Variants in ZNF280D observed in about 807,000 individuals in gnomAD.
ZNF280D encodes the protein suppressor of hairy wing homolog 4.
ZNF280D carries 39 observed loss-of-function variants against 94.7 expected under a neutral mutation model. The ratio of observed to expected loss-of-function variants is 0.41; its 90% CI spans 0.32 to 0.54. The LOEUF is 0.54. Among genes scored for constraint, ZNF280D ranks in the 20% least tolerant of loss-of-function variants. The pLI, the probability that ZNF280D is intolerant of heterozygous loss-of-function variation, is 0.22. For synonymous variants in ZNF280D, 398 were observed against 377.6 expected (o/e 1.05, Z -0.63); for missense variants, 1,090 against 1,149.3 (o/e 0.95, Z 0.75).
chr15:56,706,947 G>A, intron 3 of ZNF280D, 135 bp downstream of exon 3: 1 of 747,182 alleles, frequency 1.3e-6, no homozygotes, highest in East Asian at 2.7e-5. Context: ...TTGTTTTTAT[G>A]TGAACATTTG....
intron 6 of ZNF280D, chr15:56,700,560 A>C: frequency 9.2e-7 from 1 of 1,087,658 alleles, no homozygotes; most frequent in Non-Finnish European, 1.1e-6. Flanking sequence ...TTTTCAGAAT[A>C]AAAAGCTATG....
At chr15:56,685,528 T>C (rs1293763737) in intron 9 of ZNF280D, among the ~76,000 whole-genome samples, 1 of 152,088 alleles carries the variant, frequency 6.6e-6, no homozygotes, top group Non-Finnish European at 1.5e-5. Context: ...AATAAAGTAA[T>C]ATAGGTATAG....
chr15:56,707,162 T>C lies in ZNF280D; in HGVS notation c.-41-12A>G. ...TTGTCACCTAAGTACTGACACATGA[T>C]ATCAGTCAATTTAATGAGTCACTTT... On this transcript the variant is annotated splice_polypyrimidine_tract_variant and intron_variant, in intron 2 of 21. Coordinates refer to ENST00000267807, the MANE Select transcript of ZNF280D (RefSeq NM_017661.4). 1 of 1,613,206 alleles carries C rather than the reference T, an allele frequency of 6.2e-7. No homozygotes were observed. Among genetic ancestry groups the C allele is most frequent in the Non-Finnish European group, 8.5e-7 (1 of 1,179,600 alleles).
chr15:56,661,850 C>G (rs1036305434), intron 16 of ZNF280D, among the ~76,000 whole-genome samples: 1 of 152,128 alleles, frequency 6.6e-6, no homozygotes, highest in Non-Finnish European at 1.5e-5. Flanking sequence ...TTATTAAGCA[C>G]TTTAATACAG....
intron 6 of ZNF280D, among the ~76,000 whole-genome samples, chr15:56,696,816 C>T (rs1167169607): frequency 5.3e-5 from 8 of 152,284 alleles, no homozygotes; most frequent in African/African-American, 1.4e-4. Context: ...CTGGGTTCCA[C>T]CCAGACCAAC....
intron 16 of ZNF280D, among the ~76,000 whole-genome samples, chr15:56,662,001 C>T (rs2053973611): frequency 6.6e-6 from 1 of 152,092 alleles, no homozygotes; most frequent in Non-Finnish European, 1.5e-5. Context: ...CCCCAGCTTG[C>T]CATACTTCTT....
intron 1 of ZNF280D, among the ~76,000 whole-genome samples, chr15:56,719,330 TA>T (rs1242302063): frequency 1.6e-5 from 2 of 127,604 alleles, no homozygotes; most frequent in Middle Eastern, 3.7e-3. Context: ...AATGGTTGTT[TA>T]AAAAAAAAAA....
chr15:56,733,165 G>C (rs1465372107), intron 1 of ZNF280D: 2 of 152,936 alleles, frequency 1.3e-5, no homozygotes, highest in African/African-American at 4.8e-5. Flanking sequence ...ACGCCTGGGA[G>C]AGGAGGTGGC....
At chr15:56,634,640 T>C (rs2052261263) in intron 21 of ZNF280D, among the ~76,000 whole-genome samples, 1 of 152,036 alleles carries the variant, frequency 6.6e-6, no homozygotes, top group Non-Finnish European at 1.5e-5. Context: ...CAAAATAAAA[T>C]TACCCTTCTT....
At chr15:56,669,172 T>G (rs1384487726) in intron 13 of ZNF280D, among the ~76,000 whole-genome samples, 1 of 152,072 alleles carries the variant, frequency 6.6e-6, no homozygotes, top group African/African-American at 2.4e-5. Context: ...GTAAGAACTG[T>G]ACATGAAAGT....
At chr15:56,677,124 A>T (rs960829516) in intron 12 of ZNF280D, among the ~76,000 whole-genome samples, 14 of 152,130 alleles carry the variant, frequency 9.2e-5, no homozygotes, top group African/African-American at 3.4e-4. Context: ...TGCTCTATAA[A>T]ATGTTTTTCT....
chr15:56,631,449 G>A lies in ZNF280D; in HGVS notation c.*49C>T. 2 of 1,585,142 alleles carry A rather than the reference G, an allele frequency of 1.3e-6. No homozygotes were observed. Among genetic ancestry groups the A allele is most frequent in the Non-Finnish European group, 1.7e-6 (2 of 1,163,264 alleles). ...ACCACTGAGCTCACCTGATAGCACT[G>A]TTCCAAATGCCCTTATCGTTGGTAC... On this transcript the variant is annotated 3_prime_UTR_variant, in exon 22 of 22. Coordinates refer to ENST00000267807, the MANE Select transcript of ZNF280D (RefSeq NM_017661.4).
intron 1 of ZNF280D, among the ~76,000 whole-genome samples, chr15:56,709,631 T>C (rs1427570675): frequency 6.6e-6 from 1 of 152,090 alleles, no homozygotes; most frequent in Non-Finnish European, 1.5e-5. Context: ...AACGATAGAT[T>C]GGATTAAGAA....
intron 7 of ZNF280D, among the ~76,000 whole-genome samples, chr15:56,692,463 T>C (rs577600219): frequency 2.0e-5 from 3 of 152,028 alleles, no homozygotes; most frequent in Admixed American, 1.3e-4. Context: ...GAATTTTCAA[T>C]TAGATAAAAT....
intron 3 of ZNF280D, among the ~76,000 whole-genome samples, 165 bp downstream of exon 3, chr15:56,706,917 C>T (rs1300429944): frequency 6.6e-6 from 1 of 152,114 alleles, no homozygotes; most frequent in Non-Finnish European, 1.5e-5. Context: ...CTATTTTACT[C>T]ACTTTTTTAT....
At chr15:56,696,437 T>G (rs922089267) in intron 6 of ZNF280D, among the ~76,000 whole-genome samples, 3 of 152,038 alleles carry the variant, frequency 2.0e-5, no homozygotes, top group African/African-American at 7.2e-5. Context: ...TTAGGTGGGG[T>G]CGAGTAAGGC....
At chr15:56,722,492 C>CA (rs1176971111) in intron 1 of ZNF280D, among the ~76,000 whole-genome samples, 2 of 152,024 alleles carry the variant, frequency 1.3e-5, no homozygotes, top group African/African-American at 4.8e-5. Flanking sequence ...TCATAATAGC[C>CA]AAAAAAGCAG....
At chr15:56,641,607 A>G (rs2052631593) in intron 20 of ZNF280D, among the ~76,000 whole-genome samples, 1 of 151,774 alleles carries the variant, frequency 6.6e-6, no homozygotes, top group Admixed American at 6.6e-5. Flanking sequence ...TTTGTACAAT[A>G]CTAAAAAAGT....
At chr15:56,681,309 CA>C (rs1389821608) in intron 10 of ZNF280D, among the ~76,000 whole-genome samples, 2 of 152,130 alleles carry the variant, frequency 1.3e-5, no homozygotes, top group African/African-American at 2.4e-5. Context: ...AGAATAAACA[CA>C]AAAGGCATAC....
Sources: gnomAD v4.1 joint callset for allele counts (sites outside exome capture counted in the v4.1 genomes callset) on GRCh38, gnomAD v4.1.1 for gene constraint, MANE v1.5 for transcripts, NCBI Gene and HGNC (gene_info 2026-07-23, HGNC 2026-07-21) for gene names.